FAF1: variants seen among roughly 807,000 people sequenced by gnomAD.
The protein encoded by FAF1 is FAS-associated factor 1.
Under a neutral mutation model 92.5 loss-of-function variants are expected in FAF1, and 25 were observed. That is an observed-to-expected ratio of 0.27 (90% CI 0.20 to 0.38). FAF1 has a LOEUF of 0.38. FAF1 is among the 10% of genes least tolerant of loss of function. The probability of loss-of-function intolerance (pLI) is 1.00; values close to 1 mark genes in which losing one functional copy is unlikely to be tolerated. For missense variants in FAF1, 636 were observed against 793.3 expected (o/e 0.80, Z 2.38); for synonymous variants, 234 against 273.2 (o/e 0.86, Z 1.42).
intron 2 of FAF1, among the ~76,000 whole-genome samples, chr1:50,827,256 A>T (rs1234547967): frequency 1.3e-5 from 2 of 152,234 alleles, no homozygotes; most frequent in African/African-American, 4.8e-5. Flanking sequence ...AGAAGTAGAC[A>T]TAGGAGACTC....
chr1:50,750,622 C>CTTTTTTTTTT (rs200229291), intron 4 of FAF1, among the ~76,000 whole-genome samples: 1 of 133,766 alleles, frequency 7.5e-6, no homozygotes, highest in Non-Finnish European at 1.6e-5. Flanking sequence ...TTTTTCTTTT[C>CTTTTTTTTTT]TTTTTTTTTT....
At chr1:50,457,935 C>T (rs908212305) in intron 18 of FAF1, among the ~76,000 whole-genome samples, 8 of 151,012 alleles carry the variant, frequency 5.3e-5, no homozygotes, top group South Asian at 2.1e-4. Context: ...GGTTATCGAC[C>T]GGGCGCGGTG....
At chr1:50,536,650 T>C (rs755137788) in intron 14 of FAF1, among the ~76,000 whole-genome samples, 2 of 152,156 alleles carry the variant, frequency 1.3e-5, no homozygotes, top group Non-Finnish European at 2.9e-5. Context: ...ACAGGACAAA[T>C]GCTATCTTGG....
At chr1:50,946,304 T>C (rs959150210) in intron 1 of FAF1, among the ~76,000 whole-genome samples, 15 of 152,112 alleles carry the variant, frequency 9.9e-5, no homozygotes, top group African/African-American at 3.4e-4. Flanking sequence ...TCCAGATTGG[T>C]GAAAAATATC....
At chr1:50,445,141 T>C (rs1389948688) in intron 18 of FAF1, among the ~76,000 whole-genome samples, 2 of 152,226 alleles carry the variant, frequency 1.3e-5, no homozygotes, top group Non-Finnish European at 2.9e-5. Context: ...TACATGGGTA[T>C]GTTCTTTAAT....
chr1:50,488,779 T>G (rs181934341), intron 17 of FAF1, among the ~76,000 whole-genome samples: 170 of 152,308 alleles, frequency 1.1e-3, no homozygotes, highest in African/African-American at 3.7e-3. Context: ...AAGATAAATC[T>G]CTAACCTTGT....
intron 9 of FAF1, among the ~76,000 whole-genome samples, chr1:50,585,375 A>G (rs1160234069): frequency 6.6e-6 from 1 of 152,138 alleles, no homozygotes; most frequent in Non-Finnish European, 1.5e-5. Context: ...TTTACATATG[A>G]GTTGTAATAA....
intron 7 of FAF1, among the ~76,000 whole-genome samples, chr1:50,660,822 A>C (rs1043619413): frequency 1.3e-5 from 2 of 152,160 alleles, no homozygotes; most frequent in Non-Finnish European, 2.9e-5. Flanking sequence ...AGTTCTGCTC[A>C]ACTGTTACTG....
chr1:50,612,305 C>T (rs558972157), intron 8 of FAF1: 21 of 1,138,394 alleles, frequency 1.8e-5, no homozygotes, highest in Middle Eastern at 2.6e-4. Context: ...ACGAAATCTT[C>T]AGTTACAATG....
chr1:50,647,303 C>A (rs1654641154), intron 8 of FAF1, among the ~76,000 whole-genome samples: 1 of 152,246 alleles, frequency 6.6e-6, no homozygotes, highest in South Asian at 2.1e-4. Context: ...CACTGATACA[C>A]TGCTAAATGT....
At chr1:50,572,077 C>G (rs1650470952) in intron 12 of FAF1, among the ~76,000 whole-genome samples, 1 of 152,084 alleles carries the variant, frequency 6.6e-6, no homozygotes. Flanking sequence ...TTTCTGTTCT[C>G]CTTTTCCCTC....
At chr1:50,675,322 G>A (rs1046457858) in intron 7 of FAF1, among the ~76,000 whole-genome samples, 5 of 152,202 alleles carry the variant, frequency 3.3e-5, no homozygotes, top group African/African-American at 9.6e-5. Context: ...AGTCACTAGA[G>A]CAGCAGTCGA....
chr1:50,830,240 C>T (rs1644140409), intron 2 of FAF1, among the ~76,000 whole-genome samples: 1 of 152,168 alleles, frequency 6.6e-6, no homozygotes, highest in Non-Finnish European at 1.5e-5. Context: ...GCCTCAGCCT[C>T]CAGTGTAGCT....
At chr1:50,912,598 T>C (rs1175851543) in intron 1 of FAF1, among the ~76,000 whole-genome samples, 1 of 152,220 alleles carries the variant, frequency 6.6e-6, no homozygotes, top group African/African-American at 2.4e-5. Context: ...TATCACAACC[T>C]ACACAGATGC....
intron 5 of FAF1, among the ~76,000 whole-genome samples, chr1:50,739,309 T>G (rs184479502): frequency 8.5e-5 from 13 of 152,138 alleles, no homozygotes; most frequent in South Asian, 6.2e-4. Flanking sequence ...TACACGTACA[T>G]GCATATACAT....
intron 15 of FAF1, among the ~76,000 whole-genome samples, chr1:50,496,072 T>C (rs1291996440): frequency 6.6e-6 from 1 of 152,238 alleles, no homozygotes; most frequent in Non-Finnish European, 1.5e-5. Flanking sequence ...AGATGTAATT[T>C]ATGACACCCT....
chr1:50,886,203 T>C (rs1475462385), intron 1 of FAF1, among the ~76,000 whole-genome samples: 1 of 152,240 alleles, frequency 6.6e-6, no homozygotes, highest in Non-Finnish European at 1.5e-5. Flanking sequence ...GATATCTTAT[T>C]GCTCATTATC....
At chr1:50,643,281 T>C (rs1372329015) in intron 8 of FAF1, among the ~76,000 whole-genome samples, 1 of 152,188 alleles carries the variant, frequency 6.6e-6, no homozygotes. Context: ...TGATTAACAG[T>C]ATACAACTTC....
chr1:50,620,382 C>T (rs1653137595), intron 8 of FAF1, among the ~76,000 whole-genome samples: 1 of 152,182 alleles, frequency 6.6e-6, no homozygotes, highest in African/African-American at 2.4e-5. Flanking sequence ...TTATGAAATT[C>T]TTGTAGTAAA....
Sources: gnomAD v4.1 joint callset for allele counts (sites outside exome capture counted in the v4.1 genomes callset) on GRCh38, gnomAD v4.1.1 for gene constraint, MANE v1.5 for transcripts, NCBI Gene and HGNC (gene_info 2026-07-23, HGNC 2026-07-21) for gene names.